The following ZNF606 variants were observed in gnomAD, a reference collection of about 807,000 sequenced individuals.
ZNF606 encodes the protein zinc finger protein 328.
Under a neutral mutation model 74.9 loss-of-function variants are expected in ZNF606, and 37 were observed. The observed-to-expected ratio is 0.49, with a 90% CI of 0.38 to 0.65. The LOEUF (loss-of-function observed/expected upper bound fraction) is 0.65. Among genes scored for constraint, ZNF606 ranks in the 30% least tolerant of loss-of-function variants. ZNF606 has a pLI of 0.00. For synonymous variants in ZNF606, 328 were observed against 312.4 expected, an observed-to-expected ratio of 1.05 and a Z score of -0.53; for missense variants, 852 against 952.9, an observed-to-expected ratio of 0.89 and a Z score of 1.39.
intron 1 of ZNF606, 123 bp from the exon 2 acceptor site, chr19:58,001,493 A>C (rs1023706790): frequency 2.9e-6 from 2 of 699,290 alleles, no homozygotes; most frequent in African/African-American, 3.6e-5. Flanking sequence ...GTAAGAAAAG[A>C]GAATTTACAT....
rs2073039979 is a variant in ZNF606, at chr19:57,979,227, C to T, written c.1453G>A (p.Val485Ile). ...AAAGATTTCCCACACTCATTACAAA[C>T]ATAAGGTTTTTCTCCTGTATGAATT... ...KRIHTGEKPY[V>I]CNECGKSFNW... The change falls in exon 7 of 7, where the codon GTT becomes ATT. Residue 485 changes from valine to isoleucine, a missense_variant. Val to Ile is a conservative substitution (Grantham distance 29). Transcript: ENST00000551380. The T allele has an allele frequency of 6.2e-7, 1 of 1,613,628 alleles. No individual in the cohort carries two copies. Among genetic ancestry groups the T allele is most frequent in the African/African-American group, 1.3e-5 (1 of 74,888 alleles).
chr19:57,990,933 C>T (rs529626290), intron 4 of ZNF606, among the ~76,000 whole-genome samples: 1 of 152,258 alleles, frequency 6.6e-6, no homozygotes, highest in Admixed American at 6.5e-5. Context: ...AAGGACTGTC[C>T]ATCCTCTTTT....
chr19:58,001,096 A>C, intron 2 of ZNF606, 193 bp downstream of exon 2: 1 of 648,442 alleles, frequency 1.5e-6, no homozygotes, highest in Non-Finnish European at 2.6e-6. Flanking sequence ...TCAGGAGATG[A>C]CTATAAAACA....
chr19:57,998,588 C>T (rs1286318705), intron 4 of ZNF606: 1 of 152,114 alleles, frequency 6.6e-6, no homozygotes, highest in East Asian at 1.9e-4. Flanking sequence ...CTAATGGGTA[C>T]AGGATTTCTT....
At chr19:58,003,204 C>T (rs747070598), upstream of ZNF606, 96 of 456,528 alleles carry the variant, frequency 2.1e-4, no homozygotes, top group Non-Finnish European at 3.5e-4. Flanking sequence ...CTGTTATTCT[C>T]TTTAAGATAA....
chr19:57,978,228 CCT>C lies in ZNF606; in HGVS notation c.*71_*72del. The stretch of plus-strand genomic sequence containing the variant: ...ACTGAACTCTTAATGAAAAATGTCC[CCT>C]CTTGATTATGTTTATAGGGTTTTCC... On this transcript the variant is annotated 3_prime_UTR_variant, in exon 7 of 7. Coordinates refer to ENST00000551380, the MANE Select transcript of ZNF606 (RefSeq NM_001348022.3). This position sits in a 1 kb window ranked among gnomAD's most constrained non-coding sequence, Gnocchi z 4.4. 2.1e-6 allele frequency: 3 copies of C among 1,407,278 alleles called. No individual in the cohort carries two copies. The highest frequency in any genetic ancestry group is 2.4e-5 in the East Asian group (1 of 41,894). The allele number at this position is 1,407,278 out of a possible 1,614,324, so 87.2% of individuals were successfully genotyped here.
At chr19:57,999,369 C>G (rs527567395) in intron 4 of ZNF606, 1 of 182,890 alleles carries the variant, frequency 5.5e-6, no homozygotes, top group Non-Finnish European at 1.1e-5. Flanking sequence ...CCAGGTAGGC[C>G]GTGAGATCTC....
chr19:57,987,096 T>C (rs1568577334), intron 6 of ZNF606, among the ~76,000 whole-genome samples: 1 of 151,954 alleles, frequency 6.6e-6, no homozygotes, highest in South Asian at 2.1e-4. Flanking sequence ...TCTCAAAAGA[T>C]GTTAATTGTA....
At chr19:57,996,400 T>C (rs1600226647) in intron 4 of ZNF606, among the ~76,000 whole-genome samples, 1 of 151,232 alleles carries the variant, frequency 6.6e-6, no homozygotes, top group Non-Finnish European at 1.5e-5. Context: ...ACTCGGGAGG[T>C]TGAGGCATGA....
At chr19:57,994,368 G>A (rs141935245) in intron 4 of ZNF606, among the ~76,000 whole-genome samples, 1,939 of 152,074 alleles carry the variant, frequency 0.013, 13 homozygotes, top group Non-Finnish European at 0.015. Context: ...GAACCTAAAG[G>A]AAAAGGACAA....
At position 57,979,263 on chromosome 19, in the gene ZNF606, C is replaced by T. The variant is rs772964098; in HGVS notation, c.1417G>A (p.Val473Ile). ...KAFSWNSHLI[V>I]HKRIHTGEKP... is the part of the protein sequence containing the mutation. Reference sequence around the variant, plus strand: ...TCTCCTGTATGAATTCTCTTATGTACAATAAGATGAGAATTCCAGCTGAAG... The same window carrying T: ...TCTCCTGTATGAATTCTCTTATGTATAATAAGATGAGAATTCCAGCTGAAG... Residue 473 changes from valine to isoleucine, a missense_variant, in exon 7 of 7, where the codon GTA becomes ATA. By Grantham distance (29) the Val-to-Ile change is conservative (BLOSUM62 3). Transcript: ENST00000551380. 2 of 1,613,968 alleles carry T rather than the reference C, an allele frequency of 1.2e-6. No individual in the cohort carries two copies. The highest frequency in any genetic ancestry group is 1.7e-5 in the Admixed American group (1 of 60,010).
Position 57,979,691 on chromosome 19 carries a change from G to A in ZNF606, c.989C>T (p.Pro330Leu). 6.2e-7 allele frequency: 1 copy of A among 1,613,554 alleles called. No individual in the cohort carries two copies. The highest frequency in any genetic ancestry group is 8.5e-7 in the Non-Finnish European group (1 of 1,179,950). Residue 330 changes from proline to leucine, a missense_variant, in exon 7 of 7, where the codon CCA becomes CTA. Around this residue, in one of 3 missense-constraint regions of ZNF606, gnomAD observed 545 missense variants for 542.5 expected, o/e 1.00. Coordinates refer to ENST00000551380, the MANE Select transcript of ZNF606 (RefSeq NM_001348022.3). Reference protein sequence around the residue: ...KECHQIFNQSPSFNEHPRLHV... With the variant: ...KECHQIFNQSLSFNEHPRLHV... ...AAGCCTTGGGTGTTCATTAAATGAT[G>A]GGCTCTGGTTAAAGATTTGATGGCA...
chr19:57,981,168 G>C (rs939355533), intron 6 of ZNF606, among the ~76,000 whole-genome samples: 1 of 152,158 alleles, frequency 6.6e-6, no homozygotes, highest in African/African-American at 2.4e-5. Context: ...TGGACTCCTA[G>C]ACTCAGGCAA....
chr19:57,986,833 C>A, intron 6 of ZNF606, among the ~76,000 whole-genome samples: 1 of 152,162 alleles, frequency 6.6e-6, no homozygotes, highest in Admixed American at 6.5e-5. Context: ...CCTATAATCT[C>A]AGCACTTTGG....
At chr19:58,002,247 A>G in intron 1 of ZNF606, 149 bp downstream of exon 1, 1 of 456,722 alleles carries the variant, frequency 2.2e-6, no homozygotes. Context: ...TGGCAGGGGG[A>G]GAAACGACGG....
intron 6 of ZNF606, among the ~76,000 whole-genome samples, chr19:57,981,201 C>T (rs765073377): frequency 8.5e-5 from 13 of 152,116 alleles, no homozygotes; most frequent in Non-Finnish European, 1.2e-4. Flanking sequence ...AAATTTCGCA[C>T]GTGTTGTCAC....
intron 4 of ZNF606, chr19:57,997,423 CAATA>C (rs1451574326): frequency 6.6e-6 from 1 of 152,254 alleles, no homozygotes; most frequent in East Asian, 1.9e-4. Context: ...TGCTTTATTT[CAATA>C]AATACTTAAC....
rs1467231486 is a variant in ZNF606 at position 57,979,948 on chromosome 19, A to G, written c.732T>C (p.Ala244=). 2 of 1,613,962 alleles carry G rather than the reference A, an allele frequency of 1.2e-6. No homozygotes were observed. The highest frequency in any genetic ancestry group is 1.7e-6 in the Non-Finnish European group (2 of 1,180,020). The change falls in exon 7 of 7, where the codon GCT becomes GCC. Residue 244 remains alanine, a synonymous_variant. Coordinates refer to ENST00000551380, the MANE Select transcript of ZNF606 (RefSeq NM_001348022.3). ...IEHFYKPDTH[A]QSWRCDSAIM... Reference sequence around the variant, plus strand: ...TGGCTGAGTCACATCTCCAACTTTGAGCATGTGTATCAGGCTTATAGAAAT... The same window carrying G: ...TGGCTGAGTCACATCTCCAACTTTGGGCATGTGTATCAGGCTTATAGAAAT...
chr19:57,978,141 T>C lies in ZNF606; in HGVS notation c.*160A>G. On this transcript the variant is annotated 3_prime_UTR_variant, in exon 7 of 7. Transcript: ENST00000551380. This position sits in a 1 kb window ranked among gnomAD's most constrained non-coding sequence, Gnocchi z 4.4. ...AACTGCTGAAAGCTTTTCCCTATTC[T>C]TTTCCTTCATGGGGTTTCTTCTAAG... The C allele has an allele frequency of 2.8e-6, 2 of 710,034 alleles. No individual in the cohort carries two copies. The highest frequency in any genetic ancestry group is 5.9e-5 in the South Asian group (2 of 33,620). 44.0% of individuals were successfully genotyped at this position (710,034 alleles called of 1,614,324 possible).
Sources: allele counts gnomAD v4.1 joint callset (sites outside exome capture counted in the v4.1 genomes callset), GRCh38; gene constraint gnomAD v4.1.1; regional missense constraint gnomAD v4.1.1; non-coding constraint Gnocchi (gnomAD v3.1); transcripts MANE v1.5; gene names NCBI Gene and HGNC (gene_info 2026-07-23, HGNC 2026-07-21).